The following PIGN variants were observed in gnomAD, a reference collection of about 807,000 sequenced individuals.
PIGN encodes the protein GPI ethanolamine phosphate transferase 1.
In PIGN, 117 loss-of-function variants were observed where a neutral mutation model predicts 125.4. The ratio of observed to expected loss-of-function variants is 0.93; its 90% CI spans 0.80 to 1.09. PIGN has a LOEUF of 1.09. PIGN is among the 50% of genes least tolerant of loss of function. The pLI is 0.00. For synonymous variants in PIGN, 392 were observed against 377.8 expected (o/e 1.04, Z -0.44); for missense variants, 1,075 against 1,094.9 (o/e 0.98, Z 0.26).
intron 27 of PIGN, among the ~76,000 whole-genome samples, chr18:62,084,106 C>T (rs1275790752): frequency 6.6e-6 from 1 of 152,222 alleles, no homozygotes; most frequent in Middle Eastern, 3.4e-3. Flanking sequence ...TAATATCTGG[C>T]ACATTACTAA....
At chr18:62,059,303 T>A (rs1390522660) in intron 30 of PIGN, 1 of 149,780 alleles carries the variant, frequency 6.7e-6, no homozygotes, top group Admixed American at 6.7e-5. Flanking sequence ...GGAGGTCAAA[T>A]CCAGAAAAGC....
At chr18:62,100,023 G>A (rs969100220) in intron 22 of PIGN, among the ~76,000 whole-genome samples, 2 of 152,074 alleles carry the variant, frequency 1.3e-5, no homozygotes, top group Non-Finnish European at 2.9e-5. Flanking sequence ...ACGGAGTGAA[G>A]AGACAACCTA....
chr18:62,157,912 A>C, intron 4 of PIGN, 104 bp from the exon 5 acceptor site: 1 of 1,110,122 alleles, frequency 9.0e-7, no homozygotes, highest in South Asian at 1.7e-5. Context: ...AAAAGCAAAA[A>C]ACTTAAGTCA....
Position 62,160,525 on chromosome 18 carries a change from T to C in PIGN, c.221+608A>G, listed in dbSNP as rs572315939. Among the ~76,000 whole-genome samples, 14 of 152,090 alleles carry C rather than the reference T, an allele frequency of 9.2e-5. No individual in the cohort carries two copies. In the East Asian group the frequency reaches 2.5e-3, roughly 27 times the overall value. On this transcript the variant is annotated intron_variant, in intron 4 of 30. Coordinates refer to ENST00000640252, the MANE Select transcript of PIGN (RefSeq NM_176787.5). ...AAAATTAGCAGACTTTTTTTTTGTT[T>C]TTTTTTTTGAGACGGAGTTTTGCTC...
Position 62,070,972 on chromosome 18 carries a change from AT to A in PIGN, c.2672+1700del, listed in dbSNP as rs1423721332. ...AGGCATGGGCCACTGCACTCGGGTAATTTTTTTTTTGCTTTTTGTAGAAACA... is the reference window on the plus strand; with the variant it reads ...AGGCATGGGCCACTGCACTCGGGTAATTTTTTTTTGCTTTTTGTAGAAACA... On this transcript the variant is annotated intron_variant, in intron 30 of 30. Transcript: ENST00000640252. Among the ~76,000 whole-genome samples the A allele has an allele frequency of 7.4e-5, 11 of 148,194 alleles. No homozygotes were observed. The East Asian group carries it at 9.9e-4, about 13-fold the overall frequency.
intron 30 of PIGN, among the ~76,000 whole-genome samples, chr18:62,064,817 A>C (rs2145523720): frequency 6.6e-6 from 1 of 152,328 alleles, no homozygotes; most frequent in African/African-American, 2.4e-5. Flanking sequence ...TCTGTGGCAA[A>C]ACAATACAAT....
chr18:62,046,101 G>T, intron 30 of PIGN, 122 bp from the exon 31 acceptor site: 1 of 963,666 alleles, frequency 1.0e-6, no homozygotes, highest in Non-Finnish European at 1.5e-6. Flanking sequence ...TGGAGTGGGT[G>T]TTCTTTACCT....
At chr18:62,155,585 A>G (rs891497754) in intron 6 of PIGN, among the ~76,000 whole-genome samples, 5 of 152,030 alleles carry the variant, frequency 3.3e-5, no homozygotes, top group African/African-American at 1.2e-4. Flanking sequence ...AACAAAAACA[A>G]AAAGAGAGAT....
At chr18:62,167,546 C>T (rs181353414) in intron 1 of PIGN, among the ~76,000 whole-genome samples, 3 of 150,820 alleles carry the variant, frequency 2.0e-5, no homozygotes, top group East Asian at 3.9e-4. Flanking sequence ...GCAGGAGAAT[C>T]GCTTGAACCT....
At chr18:62,140,350 AAAGAGTACAT>A in intron 12 of PIGN, 60 bp downstream of exon 12, 2 of 693,026 alleles carry the variant, frequency 2.9e-6, no homozygotes, top group Non-Finnish European at 4.8e-6. Context: ...AACACATAAA[AAAGAGTACAT>A]TTTACTGTGC....
At chr18:62,119,730 G>A (rs2035225681) in intron 14 of PIGN, among the ~76,000 whole-genome samples, 1 of 151,850 alleles carries the variant, frequency 6.6e-6, no homozygotes, top group Non-Finnish European at 1.5e-5. Flanking sequence ...TTTAAACCCA[G>A]CTACTCAGGA....
At position 62,044,438 on chromosome 18, in the gene PIGN, TC is replaced by T. The variant is rs2030517314; in HGVS notation, c.*1417del. On this transcript the variant is annotated 3_prime_UTR_variant, in exon 31 of 31. Coordinates refer to ENST00000640252, the MANE Select transcript of PIGN (RefSeq NM_176787.5). ...AACATCACTGTTTGCTACCATAGCT[TC>T]TTAGTTGTCCAGCTAGATTTTATGC... 1.3e-5 allele frequency: 2 copies of T among 152,232 alleles called. No homozygotes were observed. Among genetic ancestry groups the T allele is most frequent in the African/African-American group, 4.8e-5 (2 of 41,458 alleles). The allele number at this position is 152,232 out of a possible 1,614,324, so 9.4% of individuals were successfully genotyped here.
At chr18:62,165,425 G>C (rs1163893723) in intron 1 of PIGN, among the ~76,000 whole-genome samples, 1 of 152,180 alleles carries the variant, frequency 6.6e-6, no homozygotes, top group Non-Finnish European at 1.5e-5. Context: ...AAAAGGATAT[G>C]GGTAAAGAGG....
Position 62,109,862 on chromosome 18 carries a change from G to A in PIGN, c.1546C>T (p.Leu516=), listed in dbSNP as rs558488682. The part of the protein sequence containing the change: ...WTYYVYGLLP[L]PIWYAVLREF... Reference sequence around the variant, plus strand: ...CTTAGAACCGCATACCATATTGGCAGTGGCAACAAACCATATACATAATAT... The same window carrying A: ...CTTAGAACCGCATACCATATTGGCAATGGCAACAAACCATATACATAATAT... The change falls in exon 17 of 31, where the codon CTG becomes TTG. Residue 516 remains leucine, a synonymous_variant. Transcript: ENST00000640252. 7 of 1,612,580 alleles carry A rather than the reference G, an allele frequency of 4.3e-6. No individual in the cohort carries two copies. The highest frequency in any genetic ancestry group is 1.7e-5 in the Admixed American group (1 of 59,912).
At chr18:62,156,553 A>C (rs1599652010) in intron 6 of PIGN, among the ~76,000 whole-genome samples, 1 of 151,932 alleles carries the variant, frequency 6.6e-6, no homozygotes, top group Non-Finnish European at 1.5e-5. Flanking sequence ...CTGGTCTCCA[A>C]CTCCTGAGCT....
chr18:62,152,643 T>C (rs1042241786), intron 7 of PIGN, among the ~76,000 whole-genome samples: 3 of 152,150 alleles, frequency 2.0e-5, no homozygotes, highest in African/African-American at 7.2e-5. Context: ...ATAAGTGAGA[T>C]AATAATTACA....
At chr18:62,069,998 G>T (rs1199746763) in intron 30 of PIGN, 1 of 157,086 alleles carries the variant, frequency 6.4e-6, no homozygotes, top group Non-Finnish European at 1.4e-5. Flanking sequence ...TATGCCAAAT[G>T]CAAGAAGCAC....
At chr18:62,103,212 A>G (rs1422116068) in intron 20 of PIGN, among the ~76,000 whole-genome samples, 2 of 152,180 alleles carry the variant, frequency 1.3e-5, no homozygotes, top group East Asian at 3.9e-4. Flanking sequence ...CATATCAAAT[A>G]CTATAATATT....
intron 30 of PIGN, among the ~76,000 whole-genome samples, chr18:62,071,915 T>C (rs2032898002): frequency 7.9e-6 from 1 of 127,248 alleles, no homozygotes; most frequent in Admixed American, 8.6e-5. Context: ...TATATAAATT[T>C]AACTGTAAAA....
Sources: allele counts gnomAD v4.1 joint callset (sites outside exome capture counted in the v4.1 genomes callset), GRCh38; gene constraint gnomAD v4.1.1; transcripts MANE v1.5; gene names NCBI Gene and HGNC (gene_info 2026-07-23, HGNC 2026-07-21).